Variants in SORCS2 observed in about 807,000 individuals in gnomAD.
SORCS2 encodes the protein VPS10 domain-containing receptor SorCS2.
SORCS2 carries 100 observed loss-of-function variants against 141.6 expected under a neutral mutation model. That is an observed-to-expected ratio of 0.71 (90% CI 0.60 to 0.83). The LOEUF (loss-of-function observed/expected upper bound fraction) is 0.83. Among genes scored for constraint, SORCS2 ranks in the 40% least tolerant of loss-of-function variants. The probability of loss-of-function intolerance (pLI) is 0.00; values close to 1 mark genes in which losing one functional copy is unlikely to be tolerated. For synonymous variants in SORCS2, 789 were observed against 676.9 expected (o/e 1.17, Z -2.57); for missense variants, 1,646 against 1,560.2 (o/e 1.05, Z -0.93).
At chr4:7,411,268 T>C (rs28704657) in intron 2 of SORCS2, among the ~76,000 whole-genome samples, 16,704 of 152,060 alleles carry the variant, frequency 0.11, 1,400 homozygotes, top group African/African-American at 0.24. Context: ...CTCTCCATCT[T>C]GACTTTAATA....
chr4:7,387,744 A>G (rs1186499112), intron 1 of SORCS2, among the ~76,000 whole-genome samples: 1 of 150,472 alleles, frequency 6.6e-6, no homozygotes, highest in Non-Finnish European at 1.5e-5. Flanking sequence ...GCACACATGC[A>G]CACACAGATA....
At chr4:7,397,268 A>G (rs900162693) in intron 2 of SORCS2, among the ~76,000 whole-genome samples, 2 of 152,102 alleles carry the variant, frequency 1.3e-5, no homozygotes, top group Non-Finnish European at 2.9e-5. Context: ...GATTTCTGCA[A>G]TGCTCTGGGA....
At chr4:7,640,191 T>C (rs1050007975) in intron 4 of SORCS2, among the ~76,000 whole-genome samples, 1 of 13,468 alleles carries the variant, frequency 7.4e-5, no homozygotes, top group East Asian at 0.018. Context: ...AGAGCCTATG[T>C]GAGTGTGAGT....
chr4:7,297,679 A>G (rs1255254862), intron 1 of SORCS2, among the ~76,000 whole-genome samples: 2 of 152,200 alleles, frequency 1.3e-5, no homozygotes, highest in Non-Finnish European at 1.5e-5. Flanking sequence ...ATGGTTCCCA[A>G]CCTGAGACGA....
intron 2 of SORCS2, among the ~76,000 whole-genome samples, chr4:7,447,253 G>C (rs1371794503): frequency 6.6e-6 from 1 of 152,146 alleles, no homozygotes; most frequent in Admixed American, 6.5e-5. Flanking sequence ...CTAGGCCCTG[G>C]TGTCTGAGAG....
intron 2 of SORCS2, among the ~76,000 whole-genome samples, chr4:7,482,162 A>G (rs1345447168): frequency 2.4e-5 from 1 of 41,614 alleles, no homozygotes. Flanking sequence ...GACACCCCTG[A>G]CGCTGTTCAG....
At chr4:7,382,978 T>C (rs1407759420) in intron 1 of SORCS2, among the ~76,000 whole-genome samples, 2 of 152,164 alleles carry the variant, frequency 1.3e-5, no homozygotes, top group African/African-American at 2.4e-5. Context: ...TATGAAGATA[T>C]GCTATTTTTT....
Position 7,500,154 on chromosome 4 carries a change from C to T in SORCS2, c.549-31376C>T, listed in dbSNP as rs182202215. ...CCATCACCCGGAGCACACCCCTGCC[C>T]GGTGGTACGTCCAGCTCCCACCTAT... On this transcript the variant is annotated intron_variant, in intron 2 of 26. Coordinates refer to ENST00000507866, the MANE Select transcript of SORCS2 (RefSeq NM_020777.3). Among the ~76,000 whole-genome samples, 5 of 152,310 alleles carry T rather than the reference C, an allele frequency of 3.3e-5. 1 individual carries two copies. Among genetic ancestry groups the T allele is most frequent in the African/African-American group, 4.8e-5 (2 of 41,570 alleles).
intron 2 of SORCS2, among the ~76,000 whole-genome samples, chr4:7,514,651 C>T (rs992314152): frequency 5.3e-5 from 8 of 151,834 alleles, no homozygotes; most frequent in Middle Eastern, 3.2e-3. Flanking sequence ...GTGGAGGTCA[C>T]GTTTCCTGGG....
At chr4:7,271,866 T>A (rs1039871164) in intron 1 of SORCS2, among the ~76,000 whole-genome samples, 1 of 152,048 alleles carries the variant, frequency 6.6e-6, no homozygotes, top group African/African-American at 2.4e-5. Context: ...GGATGGGCCC[T>A]GGATGGGAGC....
intron 2 of SORCS2, among the ~76,000 whole-genome samples, chr4:7,413,858 C>G (rs1168711748): frequency 6.6e-6 from 1 of 152,142 alleles, no homozygotes; most frequent in Non-Finnish European, 1.5e-5. Flanking sequence ...CCCCACGTCT[C>G]TATGTTCTTA....
At chr4:7,721,461 G>A (rs999844304) in intron 18 of SORCS2, among the ~76,000 whole-genome samples, 6 of 151,784 alleles carry the variant, frequency 4.0e-5, no homozygotes, top group African/African-American at 1.2e-4. Flanking sequence ...GTGAGATCCC[G>A]TCTTAAAAAA....
chr4:7,496,573 A>G (rs113184777), intron 2 of SORCS2, among the ~76,000 whole-genome samples: 11 of 151,304 alleles, frequency 7.3e-5, no homozygotes, highest in African/African-American at 2.7e-4. Flanking sequence ...AGTTGAGGGG[A>G]AAATGTGTTT....
At chr4:7,395,580 G>C (rs745312779) in intron 1 of SORCS2, among the ~76,000 whole-genome samples, 4 of 152,128 alleles carry the variant, frequency 2.6e-5, no homozygotes, top group Non-Finnish European at 4.4e-5. Context: ...ACAGTTAGGT[G>C]CTCCTAAACA....
chr4:7,213,911 T>C (rs1312595322), intron 1 of SORCS2, among the ~76,000 whole-genome samples: 1 of 152,174 alleles, frequency 6.6e-6, no homozygotes, highest in African/African-American at 2.4e-5. Context: ...GCTGGCTTCC[T>C]GGGGCTTTAT....
chr4:7,678,104 A>T (rs1182511800), intron 9 of SORCS2, among the ~76,000 whole-genome samples: 1 of 152,216 alleles, frequency 6.6e-6, no homozygotes, highest in East Asian at 1.9e-4. Flanking sequence ...TTCACCCCTC[A>T]TGAAGCAGGA....
chr4:7,304,721 G>A (rs1717665514), intron 1 of SORCS2, among the ~76,000 whole-genome samples: 1 of 152,236 alleles, frequency 6.6e-6, no homozygotes, highest in African/African-American at 2.4e-5. Context: ...CTGGACAAGA[G>A]CTTGGAGGCT....
At chr4:7,225,968 C>T (rs775327037) in intron 1 of SORCS2, among the ~76,000 whole-genome samples, 1 of 152,140 alleles carries the variant, frequency 6.6e-6, no homozygotes, top group Non-Finnish European at 1.5e-5. Flanking sequence ...TGTCTGGGTT[C>T]AAGGGGAGGC....
chr4:7,413,662 A>G (rs1725476185), intron 2 of SORCS2, among the ~76,000 whole-genome samples: 2 of 152,160 alleles, frequency 1.3e-5, no homozygotes, highest in African/African-American at 4.8e-5. Context: ...TGCTGGGATT[A>G]CAGGCGTGAG....
Sources: gnomAD v4.1 joint callset for allele counts (sites outside exome capture counted in the v4.1 genomes callset) on GRCh38, gnomAD v4.1.1 for gene constraint, MANE v1.5 for transcripts, NCBI Gene and HGNC (gene_info 2026-07-23, HGNC 2026-07-21) for gene names.